ABI2: variants seen among roughly 807,000 people sequenced by gnomAD.
ABI2 encodes the protein abl interactor 2.
A neutral mutation model predicts 59.2 loss-of-function variants in ABI2; 25 were observed. That is an observed-to-expected ratio of 0.42 (90% CI 0.31 to 0.59). The LOEUF (loss-of-function observed/expected upper bound fraction) is 0.59, where lower values mean the gene tolerates loss of function less well. Among genes scored for constraint, ABI2 ranks in the 20% least tolerant of loss-of-function variants. The pLI, the probability that ABI2 is intolerant of heterozygous loss-of-function variation, is 0.14. For synonymous variants in ABI2, 213 were observed against 235.5 expected (o/e 0.90, Z 0.87); for missense variants, 545 against 681.8 (o/e 0.80, Z 2.23).
intron 1 of ABI2, among the ~76,000 whole-genome samples, chr2:203,341,370 G>T (rs539105111): frequency 6.6e-6 from 1 of 152,136 alleles, no homozygotes; most frequent in African/African-American, 2.4e-5. Context: ...CTAAATGAGC[G>T]AATTAGATCT....
At chr2:203,337,748 AG>A (rs986195739) in intron 1 of ABI2, among the ~76,000 whole-genome samples, 1 of 152,250 alleles carries the variant, frequency 6.6e-6, no homozygotes, top group African/African-American at 2.4e-5. Flanking sequence ...ACAAAGCTAT[AG>A]GCCTGGCATG....
rs192791418 is a variant in ABI2, at chr2:203,332,888, A to C, written c.117+4257A>C. Among the ~76,000 whole-genome samples, 9 of 152,338 alleles carry C rather than the reference A, an allele frequency of 5.9e-5. No homozygotes were observed. The East Asian group carries it at 1.7e-3, about 29-fold the overall frequency. ...TGTGAGTGACAGTTCACATAGATGCATAGTAAAATCTTATTGTTTGGATTA... is the reference window on the plus strand; with the variant it reads ...TGTGAGTGACAGTTCACATAGATGCCTAGTAAAATCTTATTGTTTGGATTA... On this transcript the variant is annotated intron_variant, in intron 1 of 11. Transcript: ENST00000261018.
At chr2:203,394,665 T>C (rs1300420906) in intron 5 of ABI2, 35 bp from the exon 6 acceptor site, 1 of 1,584,576 alleles carries the variant, frequency 6.3e-7, no homozygotes. Context: ...CGAAACTTGC[T>C]TAATCATACA....
Position 203,340,745 on chromosome 2 carries a change from C to T in ABI2, c.117+12114C>T, listed in dbSNP as rs148856287. ...TATCTTGATTGTGATAACCATTTTACAGTTTATGTGTGTATCATGTCATCA... is the reference window on the plus strand; with the variant it reads ...TATCTTGATTGTGATAACCATTTTATAGTTTATGTGTGTATCATGTCATCA... On this transcript the variant is annotated intron_variant, in intron 1 of 11. Transcript: ENST00000261018. Among the ~76,000 whole-genome samples the T allele has an allele frequency of 5.1e-4, 78 of 152,100 alleles. No homozygotes were observed. The South Asian group carries it at 0.015, about 30-fold the overall frequency.
intron 1 of ABI2, among the ~76,000 whole-genome samples, chr2:203,350,894 G>A (rs973893719): frequency 6.9e-5 from 2 of 29,044 alleles, no homozygotes; most frequent in Non-Finnish European, 2.8e-4. Flanking sequence ...GTGTGTGTGC[G>A]CGCGCGCATA....
chr2:203,370,330 C>G (rs2095043326), intron 2 of ABI2, among the ~76,000 whole-genome samples: 1 of 151,526 alleles, frequency 6.6e-6, no homozygotes, highest in Non-Finnish European at 1.5e-5. Context: ...TCAAGTGATC[C>G]TCCCACCTCA....
chr2:203,386,640 C>CTTTTTTT (rs537240194), intron 4 of ABI2: 1 of 121,718 alleles, frequency 8.2e-6, no homozygotes, highest in Non-Finnish European at 1.7e-5. Flanking sequence ...GTAGACATTG[C>CTTTTTTT]TTTTTTTTTT....
intron 11 of ABI2, among the ~76,000 whole-genome samples, chr2:203,422,975 A>G (rs1485665054): frequency 2.6e-5 from 4 of 152,216 alleles, no homozygotes; most frequent in African/African-American, 9.7e-5. Flanking sequence ...TCAACTCACA[A>G]TATGTAATTT....
intron 1 of ABI2, among the ~76,000 whole-genome samples, chr2:203,338,126 G>A (rs2077303424): frequency 6.6e-6 from 1 of 152,200 alleles, no homozygotes; most frequent in East Asian, 1.9e-4. Context: ...CCACATCTGT[G>A]CAGTCAACTA....
At chr2:203,347,115 G>A (rs926730638) in intron 1 of ABI2, among the ~76,000 whole-genome samples, 5 of 152,092 alleles carry the variant, frequency 3.3e-5, no homozygotes, top group African/African-American at 1.2e-4. Context: ...GTACTTTTTT[G>A]TTTTGTAGTT....
At position 203,395,752 on chromosome 2, in the gene ABI2, T is replaced by C. The variant is rs1473709381; in HGVS notation, c.822T>C (p.Pro274=). 1 of 1,606,664 alleles carries C rather than the reference T, an allele frequency of 6.2e-7. No homozygotes were observed. Among genetic ancestry groups the C allele is most frequent in the East Asian group, 2.3e-5 (1 of 44,228 alleles). The change falls in exon 7 of 12, where the codon CCT becomes CCC. Residue 274 remains proline (P), a synonymous_variant. Transcript: ENST00000261018. ...SGSVGVPIAV[P]TPSPPSVFPA... is the part of the protein sequence containing the mutation. The stretch of plus-strand genomic sequence containing the variant: ...GTGTGGGGGTTCCTATTGCTGTTCC[T>C]ACTCCATCTCCTCCCAGTGTCTTTC...
intron 1 of ABI2, among the ~76,000 whole-genome samples, chr2:203,360,770 A>G (rs1289929897): frequency 6.6e-6 from 1 of 152,194 alleles, no homozygotes; most frequent in Admixed American, 6.5e-5. Context: ...GATTCTACCA[A>G]TATTTAGGGA....
intron 5 of ABI2, among the ~76,000 whole-genome samples, chr2:203,393,669 C>G (rs1310730672): frequency 6.6e-6 from 1 of 152,128 alleles, no homozygotes; most frequent in Non-Finnish European, 1.5e-5. Context: ...CCCAGGAAAG[C>G]AATAGTTAAA....
intron 2 of ABI2, among the ~76,000 whole-genome samples, chr2:203,374,028 G>A (rs903684887): frequency 2.6e-5 from 4 of 151,952 alleles, no homozygotes; most frequent in South Asian, 4.1e-4. Flanking sequence ...GTGTGGTGGT[G>A]CACACTTGTA....
chr2:203,385,232 C>T (rs959899622), intron 4 of ABI2, among the ~76,000 whole-genome samples: 23 of 149,614 alleles, frequency 1.5e-4, no homozygotes, highest in African/African-American at 3.9e-4. Flanking sequence ...CCAGGTTTCA[C>T]GCCATTCTCC....
rs1191022399 is a variant in ABI2 at position 203,427,380 on chromosome 2, A to C, written c.*28A>C. 1 of 1,590,168 alleles carries C rather than the reference A, an allele frequency of 6.3e-7. No individual in the cohort carries two copies. Among genetic ancestry groups the C allele is most frequent in the Non-Finnish European group, 8.6e-7 (1 of 1,163,892 alleles). On this transcript the variant is annotated 3_prime_UTR_variant, in exon 12 of 12. Coordinates refer to ENST00000261018, the MANE Select transcript of ABI2 (RefSeq NM_001375670.1). ...CTCAGCAGGGCTGTGCTTGCCTCAC[A>C]GGAATAGTCAGGTCTTCCCAGATTA...
intron 11 of ABI2, among the ~76,000 whole-genome samples, chr2:203,420,278 G>A (rs1258373944): frequency 6.6e-6 from 1 of 152,104 alleles, no homozygotes; most frequent in Admixed American, 6.5e-5. Context: ...CTTAACTTTT[G>A]TAAAGCCATC....
At chr2:203,376,630 C>T (rs974603952) in intron 2 of ABI2, among the ~76,000 whole-genome samples, 3 of 151,896 alleles carry the variant, frequency 2.0e-5, no homozygotes, top group Admixed American at 6.6e-5. Flanking sequence ...TCTATTTTGC[C>T]TTCTCTCCCT....
intron 3 of ABI2, 100 bp downstream of exon 3, chr2:203,380,484 C>A: frequency 1.3e-6 from 1 of 758,126 alleles, no homozygotes; most frequent in East Asian, 3.0e-5. Context: ...TCCTAGAGGA[C>A]AAAGTCTTGG....
Sources: allele counts gnomAD v4.1 joint callset (sites outside exome capture counted in the v4.1 genomes callset), GRCh38; gene constraint gnomAD v4.1.1; transcripts MANE v1.5; gene names NCBI Gene and HGNC (gene_info 2026-07-23, HGNC 2026-07-21).